The following KIF17 variants were observed in gnomAD, a reference collection of about 807,000 sequenced individuals.
KIF17 encodes kinesin-like protein KIF17.
In KIF17, 80 loss-of-function variants were observed where a neutral mutation model predicts 96.8. The ratio of observed to expected loss-of-function variants is 0.83; its 90% CI spans 0.69 to 1.00. The LOEUF is 1.00. Ranked by LOEUF, KIF17 falls within the 50% of genes least tolerant of loss-of-function variation. KIF17 has a pLI of 0.00. For synonymous variants in KIF17, 567 were observed against 587.5 expected, an observed-to-expected ratio of 0.97 and a Z score of 0.51; for missense variants, 1,280 against 1,372.9, an observed-to-expected ratio of 0.93 and a Z score of 1.07.
At chr1:20,678,364 C>A (rs2053773400) in intron 11 of KIF17, among the ~76,000 whole-genome samples, 1 of 152,052 alleles carries the variant, frequency 6.6e-6, no homozygotes, top group South Asian at 2.1e-4. Context: ...ACAGCCAAAC[C>A]ATAACAGTGT....
In KIF17 at chr1:20,690,194, C is replaced by T; in HGVS notation, c.1375G>A (p.Glu459Lys). ...GGGGGCAAGGGGTGCCCACCTGTCTCCTTCCGCAGGTTCTCCTCCAGCGTG... is the reference window on the plus strand; with the variant it reads ...GGGGGCAAGGGGTGCCCACCTGTCTTCTTCCGCAGGTTCTCCTCCAGCGTG... ...LSTLEENLRK[E>K]TEAVLQVGVL... The change falls in exon 7 of 15, where the codon GAG becomes AAG. Residue 459 changes from glutamate (E) to lysine (K), a missense_variant. Coordinates refer to ENST00000400463, the MANE Select transcript of KIF17 (RefSeq NM_001122819.3). 1 of 1,614,178 alleles carries T rather than the reference C, an allele frequency of 6.2e-7. No homozygotes were observed. Among genetic ancestry groups the T allele is most frequent in the Non-Finnish European group, 8.5e-7 (1 of 1,180,050 alleles).
Position 20,699,233 on chromosome 1 carries a change from G to A in KIF17, c.1124-745C>T, listed in dbSNP as rs1253604343. Among the ~76,000 whole-genome samples the A allele has an allele frequency of 6.6e-6, 1 of 152,158 alleles. No individual in the cohort carries two copies. Among genetic ancestry groups the A allele is most frequent in the Non-Finnish European group, 1.5e-5 (1 of 68,044 alleles). On this transcript the variant is annotated intron_variant, in intron 5 of 14. Transcript: ENST00000400463. This position sits in a 1 kb window ranked among gnomAD's most constrained non-coding sequence, Gnocchi z 4.3. ...GAAAGTGCTGGGATTACAGGGGTGA[G>A]CTGCCTTGCCCGGCCCAAGTTGCCA...
chr1:20,701,199 T>G (rs2054228959), intron 5 of KIF17, among the ~76,000 whole-genome samples: 2 of 152,156 alleles, frequency 1.3e-5, no homozygotes, highest in South Asian at 4.1e-4. Context: ...TTTGGGAGGC[T>G]GAGGCGGGCG....
At position 20,686,032 on chromosome 1, in the gene KIF17, G is replaced by A. The variant is rs79488772; in HGVS notation, c.2019+14C>T. 18,260 of 1,549,750 alleles carry A rather than the reference G, an allele frequency of 0.012. 124 individuals carry two copies. The highest frequency in any genetic ancestry group is 0.015 in the Non-Finnish European group (16,656 of 1,144,792). ...AACCCCGTCCCCCACATGGAGGCCCGGGGAGGTACTCACAGGCCTGGGCGG... is the reference window on the plus strand; with the variant it reads ...AACCCCGTCCCCCACATGGAGGCCCAGGGAGGTACTCACAGGCCTGGGCGG... On this transcript the variant is annotated intron_variant, in intron 9 of 14. Coordinates refer to ENST00000400463, the MANE Select transcript of KIF17 (RefSeq NM_001122819.3).
At chr1:20,702,120 T>C (rs628497) in intron 5 of KIF17, among the ~76,000 whole-genome samples, 75,327 of 152,032 alleles carry the variant, frequency 0.5, 19,468 homozygotes, top group East Asian at 0.61. Context: ...CTCAGGCAAT[T>C]TTCCCAGTTG....
rs371560378 is a variant in KIF17, at chr1:20,701,378, C to T, written c.1124-2890G>A. ...CCCGGGAGGTGGAGGTTGCAGTGAG[C>T]GGAGATCGCGCCACTGCACTCCAGC... On this transcript the variant is annotated intron_variant, in intron 5 of 14. Transcript: ENST00000400463. Among the ~76,000 whole-genome samples, 196 of 152,180 alleles carry T rather than the reference C, an allele frequency of 1.3e-3. 1 individual carries two copies. Among genetic ancestry groups the T allele is most frequent in the South Asian group, 0.012 (60 of 4,818 alleles).
chr1:20,706,852 G>A (rs35655089), intron 4 of KIF17, among the ~76,000 whole-genome samples: 4,967 of 151,002 alleles, frequency 0.033, 122 homozygotes, highest in Middle Eastern at 0.048. Flanking sequence ...TCATGCCACC[G>A]CATTCTAGCC....
At chr1:20,707,475 G>A (rs1160535381) in intron 4 of KIF17, among the ~76,000 whole-genome samples, 1 of 145,042 alleles carries the variant, frequency 6.9e-6, no homozygotes, top group Non-Finnish European at 1.5e-5. Flanking sequence ...CAGGAAAAAA[G>A]GATCAAAAGA....
In KIF17 at chr1:20,712,565, T is replaced by TATA. The variant is rs1557606121; in HGVS notation, c.480+886_480+888dup. ...TATTATAGATATTATCTATATTATA[T>TATA]ATATAGATAATATTATCTATATATA... On this transcript the variant is annotated intron_variant, in intron 3 of 14. Transcript: ENST00000400463. Among the ~76,000 whole-genome samples the TATA allele has an allele frequency of 1.0e-3, 71 of 70,130 alleles. 1 individual carries two copies. The highest frequency in any genetic ancestry group is 1.5e-3 in the Non-Finnish European group (50 of 33,472). 46.0% of individuals were successfully genotyped at this position (70,130 alleles called of 152,430 possible).
intron 5 of KIF17, among the ~76,000 whole-genome samples, chr1:20,703,486 A>AGATGGATGGATGCATG (rs1347239354): frequency 9.7e-6 from 1 of 103,034 alleles, no homozygotes; most frequent in Non-Finnish European, 2.1e-5. Flanking sequence ...ATAGATGGAT[A>AGATGGATGGATGCATG]GATGGATGGA....
At chr1:20,712,606 AT>A (rs2054465218) in intron 3 of KIF17, among the ~76,000 whole-genome samples, 2 of 11,512 alleles carry the variant, frequency 1.7e-4, no homozygotes, top group African/African-American at 4.1e-4. Flanking sequence ...ATATATATCT[AT>A]ATATATATAA....
At chr1:20,666,377 C>A in intron 13 of KIF17, 46 bp from the exon 14 acceptor site, 11 of 1,443,982 alleles carry the variant, frequency 7.6e-6, no homozygotes, top group Non-Finnish European at 1.1e-5. Flanking sequence ...TGTTTGTGCC[C>A]CTGGCACAGG....
chr1:20,676,775 G>A (rs985446571), intron 11 of KIF17, among the ~76,000 whole-genome samples: 1 of 152,088 alleles, frequency 6.6e-6, no homozygotes, highest in African/African-American at 2.4e-5. Context: ...AGGTTGCAGT[G>A]AGTCGAGATT....
chr1:20,674,659 A>AC (rs1479246131), intron 11 of KIF17, among the ~76,000 whole-genome samples: 1 of 150,850 alleles, frequency 6.6e-6, no homozygotes, highest in Non-Finnish European at 1.5e-5. Flanking sequence ...AAAGATTTAC[A>AC]CCTACGTTTT....
chr1:20,716,787 G>T (rs1379582663), intron 1 of KIF17, among the ~76,000 whole-genome samples: 1 of 152,160 alleles, frequency 6.6e-6, no homozygotes, highest in South Asian at 2.1e-4. Context: ...CTATTCATTC[G>T]ACAGGGACTA....
chr1:20,670,635 C>G (rs982484335), intron 12 of KIF17, 147 bp from the exon 13 acceptor site: 1 of 768,448 alleles, frequency 1.3e-6, no homozygotes, highest in Admixed American at 2.0e-5. Context: ...TTTTAAGAAA[C>G]AGACAGCAGG....
chr1:20,680,767 A>G (rs1570442070), intron 11 of KIF17, among the ~76,000 whole-genome samples: 1 of 152,156 alleles, frequency 6.6e-6, no homozygotes, highest in East Asian at 1.9e-4. Flanking sequence ...CTAATTCAAG[A>G]TATCTACGGG....
In KIF17 at chr1:20,704,868, G is replaced by A. The variant is rs752043975; in HGVS notation, c.702C>T (p.Gly234=). The change falls in exon 5 of 15, where the codon GGC becomes GGT. Residue 234 remains glycine (G), a synonymous_variant. Transcript: ENST00000400463. The surrounding 1 kb of genome is among the most constrained non-coding windows in gnomAD (Gnocchi z 6.8). ...CCGCCAGGTCCACCAGGTTCAGCTT[G>A]CCCGCCCGGAGGTGGTCCTTGCCCC... ...DERGKDHLRA[G]KLNLVDLAGS... 2.5e-6 allele frequency: 4 copies of A among 1,602,036 alleles called. No individual in the cohort carries two copies. The East Asian group carries it at 8.9e-5, about 36-fold the overall frequency.
Position 20,686,128 on chromosome 1 carries a change from T to C in KIF17, c.1939-2A>G, listed in dbSNP as rs1448235466. 2.6e-6 allele frequency: 4 copies of C among 1,565,016 alleles called. No individual in the cohort carries two copies. Among genetic ancestry groups the C allele is most frequent in the South Asian group, 1.2e-5 (1 of 84,866 alleles). On this transcript the variant is annotated splice_acceptor_variant, in intron 8 of 14. Coordinates refer to ENST00000400463, the MANE Select transcript of KIF17 (RefSeq NM_001122819.3). LOFTEE classifies it high-confidence loss of function. ...CAGCAGGTCTGTCGGCGCAGGGACC[T>C]GGGAGGAAAGAGGGGATGGAGGAGA... is the stretch of plus-strand genomic sequence containing the variant.
Sources: gnomAD v4.1 joint callset for allele counts (sites outside exome capture counted in the v4.1 genomes callset) on GRCh38, gnomAD v4.1.1 for gene constraint, Gnocchi (gnomAD v3.1) non-coding constraint, MANE v1.5 for transcripts, NCBI Gene and HGNC (gene_info 2026-07-23, HGNC 2026-07-21) for gene names.